Variants in GLG1 observed in about 807,000 individuals in gnomAD.
GLG1 encodes golgi glycoprotein 1.
In GLG1, 38 loss-of-function variants were observed where a neutral mutation model predicts 160.5. The observed-to-expected ratio is 0.24, with a 90% CI of 0.18 to 0.31. The LOEUF is 0.31. GLG1 is among the 10% of genes least tolerant of loss of function. GLG1 has a pLI of 1.00. For missense variants in GLG1, 1,373 were observed against 1,505.2 expected (o/e 0.91, Z 1.45); for synonymous variants, 644 against 543.4 (o/e 1.19, Z -2.57).
chr16:74,579,211 A>C (rs918548238), intron 1 of GLG1, among the ~76,000 whole-genome samples: 2 of 152,028 alleles, frequency 1.3e-5, no homozygotes, highest in Non-Finnish European at 2.9e-5. Flanking sequence ...AACAAAAAAA[A>C]CAGCCTGGGC....
chr16:74,481,625 T>A (rs765125634), intron 10 of GLG1, among the ~76,000 whole-genome samples: 3 of 152,182 alleles, frequency 2.0e-5, no homozygotes, highest in Admixed American at 2.0e-4. Context: ...TCTGAAGGAA[T>A]AGAAATAAGA....
Position 74,496,608 on chromosome 16 carries a change from C to G in GLG1, c.811G>C (p.Glu271Gln). Residue 271 changes from glutamate to glutamine, a missense_variant, in exon 5 of 26, where the codon GAG becomes CAG. By Grantham distance (29) the Glu-to-Gln change is conservative. This residue lies in a region of GLG1 where 174 missense variants were observed against 229.9 expected (regional missense o/e 0.76). Coordinates refer to ENST00000422840, the MANE Select transcript of GLG1 (RefSeq NM_001145667.2). The part of the protein sequence containing the change: ...HSQGEVVSCL[E>Q]KGLVKEAEER... ...TCTGCTTCTTTCACCAGGCCTTTCTCCAAGCATGATACCACCTCACCTTGT... is the reference window on the plus strand; with the variant it reads ...TCTGCTTCTTTCACCAGGCCTTTCTGCAAGCATGATACCACCTCACCTTGT... 6.2e-7 allele frequency: 1 copy of G among 1,613,166 alleles called. No individual in the cohort carries two copies. The highest frequency in any genetic ancestry group is 8.5e-7 in the Non-Finnish European group (1 of 1,179,294).
At chr16:74,575,267 T>C (rs566380318) in intron 1 of GLG1, among the ~76,000 whole-genome samples, 27 of 151,892 alleles carry the variant, frequency 1.8e-4, no homozygotes, top group Non-Finnish European at 3.4e-4. Context: ...AAAAAAACAC[T>C]GCACCTAACA....
At chr16:74,521,002 G>C (rs1318677491) in intron 2 of GLG1, among the ~76,000 whole-genome samples, 1 of 152,144 alleles carries the variant, frequency 6.6e-6, no homozygotes, top group East Asian at 1.9e-4. Flanking sequence ...TGATAAGCTA[G>C]GGCAAGGTGA....
At chr16:74,521,427 AT>A (rs2017160118) in intron 2 of GLG1, among the ~76,000 whole-genome samples, 1 of 152,170 alleles carries the variant, frequency 6.6e-6, no homozygotes, top group Admixed American at 6.6e-5. Flanking sequence ...GATGACTTGT[AT>A]CAGGGCAATA....
At chr16:74,556,148 C>T (rs911962347) in intron 1 of GLG1, among the ~76,000 whole-genome samples, 6 of 152,130 alleles carry the variant, frequency 3.9e-5, no homozygotes, top group South Asian at 2.1e-4. Context: ...AAATCGCCTA[C>T]TTTATATTAC....
intron 22 of GLG1, among the ~76,000 whole-genome samples, chr16:74,461,074 C>T (rs950838523): frequency 1.1e-4 from 17 of 152,134 alleles, no homozygotes; most frequent in Non-Finnish European, 2.2e-4. Flanking sequence ...CTGAAATTAA[C>T]ATATGTTGAA....
At position 74,449,496 on chromosome 16, in the gene GLG1, C is replaced by G. The variant is rs150726663; in HGVS notation, c.*3671G>C. 6.6e-6 allele frequency: 1 copy of G among 152,206 alleles called. No individual in the cohort carries two copies. Among genetic ancestry groups the G allele is most frequent in the African/African-American group, 2.4e-5 (1 of 41,458 alleles). The allele number at this position is 152,206 out of a possible 1,614,324, so 9.4% of individuals were successfully genotyped here. A position where few individuals can be genotyped will look rare whatever the true frequency, so the allele number is the denominator to read the frequency against. On this transcript the variant is annotated 3_prime_UTR_variant, in exon 26 of 26. Coordinates refer to ENST00000422840, the MANE Select transcript of GLG1 (RefSeq NM_001145667.2). ...ATGAAGACACTCTCACCATTAGATT[C>G]TTCTGTTAGTTGATCTCAGGAAACA...
intron 2 of GLG1, among the ~76,000 whole-genome samples, chr16:74,524,453 A>C (rs902505134): frequency 6.6e-6 from 1 of 152,148 alleles, no homozygotes; most frequent in Non-Finnish European, 1.5e-5. Context: ...GTGGGTGCTA[A>C]AATTGGAAAT....
At chr16:74,551,612 A>T (rs80148494) in intron 1 of GLG1, among the ~76,000 whole-genome samples, 1 of 143,126 alleles carries the variant, frequency 7.0e-6, no homozygotes, top group Non-Finnish European at 1.5e-5. Flanking sequence ...CCCAGCCCTT[A>T]TTTTTTTTTT....
intron 2 of GLG1, among the ~76,000 whole-genome samples, chr16:74,510,586 C>T (rs2016773251): frequency 6.6e-6 from 1 of 152,046 alleles, no homozygotes; most frequent in South Asian, 2.1e-4. Flanking sequence ...GGGTACATTC[C>T]TCTCTGGCTA....
At chr16:74,601,908 T>G (rs1958447914) in intron 1 of GLG1, among the ~76,000 whole-genome samples, 1 of 152,196 alleles carries the variant, frequency 6.6e-6, no homozygotes, top group African/African-American at 2.4e-5. Context: ...ACACCAGCTC[T>G]ACCACTTAGG....
At position 74,452,981 on chromosome 16, in the gene GLG1, T is replaced by TGAG. The variant is rs1002038516; in HGVS notation, c.*183_*185dup. The TGAG allele has an allele frequency of 2.5e-4, 320 of 1,304,324 alleles. No individual in the cohort carries two copies. Among genetic ancestry groups the TGAG allele is most frequent in the Non-Finnish European group, 3.0e-4 (309 of 1,027,000 alleles). The allele number at this position is 1,304,324 out of a possible 1,614,324, so 80.8% of individuals were successfully genotyped here. A position where few individuals can be genotyped will look rare whatever the true frequency, so the allele number is the denominator to read the frequency against. ...GCGACCAGCTGCTGCTGCTGCACGG[T>TGAG]GAGGAGGAGGAGGACACCATGGACA... On this transcript the variant is annotated 3_prime_UTR_variant, in exon 26 of 26. Transcript: ENST00000422840.
intron 2 of GLG1, among the ~76,000 whole-genome samples, chr16:74,527,000 A>AAC (rs1567503869): frequency 6.6e-6 from 1 of 152,184 alleles, no homozygotes. Flanking sequence ...AAGGGTCATG[A>AAC]TGGCTAAATA....
chr16:74,512,067 C>A (rs2016825294), intron 2 of GLG1, among the ~76,000 whole-genome samples: 1 of 151,974 alleles, frequency 6.6e-6, no homozygotes, highest in African/African-American at 2.4e-5. Flanking sequence ...AACATTATCA[C>A]CCCAAACAGA....
chr16:74,473,180 T>A (rs1487009556), intron 13 of GLG1, among the ~76,000 whole-genome samples: 1 of 152,090 alleles, frequency 6.6e-6, no homozygotes, highest in African/African-American at 2.4e-5. Context: ...CTAAATAACA[T>A]CCCAGTGCTT....
At chr16:74,477,977 A>AAAACAAAT (rs55773213) in intron 11 of GLG1, among the ~76,000 whole-genome samples, 2,780 of 140,164 alleles carry the variant, frequency 0.02, 67 homozygotes, top group African/African-American at 0.042. Flanking sequence ...CCGTCTCAAA[A>AAAACAAAT]AAATAAATAA....
chr16:74,542,680 A>AAAGGG (rs1309915893), intron 1 of GLG1, among the ~76,000 whole-genome samples: 2 of 128,484 alleles, frequency 1.6e-5, no homozygotes, highest in Non-Finnish European at 3.2e-5. Flanking sequence ...CAAAAAAAAA[A>AAAGGG]AAGGGAAGGG....
chr16:74,483,282 A>C (rs2015672632), intron 9 of GLG1, among the ~76,000 whole-genome samples, 158 bp from the exon 10 acceptor site: 2 of 152,228 alleles, frequency 1.3e-5, no homozygotes, highest in Admixed American at 1.3e-4. Context: ...TGAACCTGAC[A>C]GTGGTTATAC....
Sources: gnomAD v4.1 joint callset for allele counts (sites outside exome capture counted in the v4.1 genomes callset) on GRCh38, gnomAD v4.1.1 for gene constraint, gnomAD v4.1.1 regional missense constraint, MANE v1.5 for transcripts, NCBI Gene and HGNC (gene_info 2026-07-23, HGNC 2026-07-21) for gene names.